Variants in DCC observed in about 807,000 individuals in gnomAD.
DCC encodes netrin receptor DCC.
In DCC, 58 loss-of-function variants were observed where a neutral mutation model predicts 172.5. The ratio of observed to expected loss-of-function variants is 0.34; its 90% CI spans 0.27 to 0.42. The LOEUF is 0.42. DCC is among the 10% of genes least tolerant of loss of function. The pLI, the probability that DCC is intolerant of heterozygous loss-of-function variation, is 1.00. For missense variants in DCC, 1,740 were observed against 1,791.0 expected (o/e 0.97, Z 0.51); for synonymous variants, 709 against 644.5 (o/e 1.10, Z -1.52).
In DCC at chr18:53,533,823, T is replaced by G. The variant is rs1443346734; in HGVS notation, c.*3170T>G. The G allele has an allele frequency of 6.6e-6, 1 of 152,198 alleles. No homozygotes were observed. The highest frequency in any genetic ancestry group is 1.5e-5 in the Non-Finnish European group (1 of 68,038). 9.4% of individuals were successfully genotyped at this position (152,198 alleles called of 1,614,324 possible). ...GTGGAGATTTATTAAGGATTCCTGT[T>G]GAGTATATTCTTAGTTTCCTCAAAA... is the stretch of plus-strand genomic sequence containing the variant. On this transcript the variant is annotated 3_prime_UTR_variant, in exon 29 of 29. Transcript: ENST00000442544.
At chr18:52,511,823 CAGAG>C (rs1226481992) in intron 1 of DCC, among the ~76,000 whole-genome samples, 1 of 152,050 alleles carries the variant, frequency 6.6e-6, no homozygotes, top group African/African-American at 2.4e-5. Context: ...GACGGGAACA[CAGAG>C]AGTTTCATTT....
chr18:52,401,583 G>T (rs1365765513), intron 1 of DCC, among the ~76,000 whole-genome samples: 5 of 151,934 alleles, frequency 3.3e-5, no homozygotes, highest in Non-Finnish European at 5.9e-5. Flanking sequence ...CAGTGAAAAT[G>T]GCCCTGTCCT....
intron 1 of DCC, among the ~76,000 whole-genome samples, chr18:52,581,469 G>A (rs1402686398): frequency 6.6e-6 from 1 of 152,140 alleles, no homozygotes; most frequent in African/African-American, 2.4e-5. Flanking sequence ...TGAAGCTCTA[G>A]ATGTAGTTGG....
intron 9 of DCC, among the ~76,000 whole-genome samples, chr18:53,202,387 G>T (rs2055552265): frequency 6.6e-6 from 1 of 152,054 alleles, no homozygotes; most frequent in Non-Finnish European, 1.5e-5. Flanking sequence ...TTATAAAAAG[G>T]AATCCATGTG....
chr18:53,164,005 C>T (rs945004372), intron 8 of DCC, among the ~76,000 whole-genome samples: 1 of 152,154 alleles, frequency 6.6e-6, no homozygotes, highest in African/African-American at 2.4e-5. Context: ...CATTATACAG[C>T]TAGTAAGTAG....
At chr18:52,855,300 C>A (rs6508169) in intron 2 of DCC, among the ~76,000 whole-genome samples, 131,106 of 152,240 alleles carry the variant, frequency 0.86, 57,776 homozygotes, top group Middle Eastern at 0.97. Flanking sequence ...GATCTGAATG[C>A]GGAGTAAGAC....
intron 2 of DCC, among the ~76,000 whole-genome samples, chr18:52,789,765 T>A (rs962175950): frequency 6.6e-6 from 1 of 152,146 alleles, no homozygotes; most frequent in African/African-American, 2.4e-5. Flanking sequence ...TTCCAGCCCC[T>A]AAGCTATCCT....
At chr18:53,215,120 G>A (rs1014327998) in intron 11 of DCC, among the ~76,000 whole-genome samples, 3 of 152,050 alleles carry the variant, frequency 2.0e-5, no homozygotes, top group East Asian at 3.9e-4. Context: ...AAGAAACCTG[G>A]CTGACCATTA....
At position 52,340,757 on chromosome 18, in the gene DCC, G is replaced by C; in HGVS notation, c.-31G>C. ...GTGTGTGAGTGCTGCCGCTGCCCGC[G>C]ACCCCTGGCCCCGAAGGTGTTGGCT... On this transcript the variant is annotated 5_prime_UTR_variant, in exon 1 of 29. Coordinates refer to ENST00000442544, the MANE Select transcript of DCC (RefSeq NM_005215.4). The C allele has an allele frequency of 1.3e-6, 2 of 1,566,682 alleles. No homozygotes were observed. Among genetic ancestry groups the C allele is most frequent in the South Asian group, 2.2e-5 (2 of 89,974 alleles).
At chr18:52,680,460 C>T (rs532761076) in intron 1 of DCC, among the ~76,000 whole-genome samples, 8 of 152,248 alleles carry the variant, frequency 5.3e-5, no homozygotes, top group African/African-American at 1.7e-4. Context: ...AATGGAATTC[C>T]TTTGTCGTAT....
intron 1 of DCC, among the ~76,000 whole-genome samples, chr18:52,388,368 C>G (rs112270244): frequency 2.9e-4 from 44 of 151,698 alleles, no homozygotes; most frequent in African/African-American, 1.0e-3. Flanking sequence ...ATAAACCAGG[C>G]TGTTGACACA....
At chr18:52,842,338 C>T (rs1405991957) in intron 2 of DCC, among the ~76,000 whole-genome samples, 4 of 152,152 alleles carry the variant, frequency 2.6e-5, no homozygotes, top group African/African-American at 9.7e-5. Context: ...ACACTGTCTT[C>T]AAGTTGGAGA....
intron 1 of DCC, among the ~76,000 whole-genome samples, chr18:52,486,109 C>T (rs757716801): frequency 1.1e-4 from 17 of 152,062 alleles, no homozygotes; most frequent in Non-Finnish European, 2.1e-4. Context: ...ATTCTCCCAC[C>T]GCAGCCTCCT....
chr18:53,516,778 C>T (rs2046338867), intron 27 of DCC, among the ~76,000 whole-genome samples: 1 of 144,384 alleles, frequency 6.9e-6, no homozygotes, highest in African/African-American at 2.8e-5. Context: ...GAATGGCAAT[C>T]ATTAAAAAGT....
chr18:52,469,203 G>A (rs970136301), intron 1 of DCC, among the ~76,000 whole-genome samples: 7 of 152,010 alleles, frequency 4.6e-5, no homozygotes, highest in South Asian at 2.1e-4. Flanking sequence ...GACTACAGGC[G>A]TCTGCCAGCA....
At chr18:53,335,878 A>T (rs2057585992) in intron 14 of DCC, among the ~76,000 whole-genome samples, 1 of 152,050 alleles carries the variant, frequency 6.6e-6, no homozygotes, top group Admixed American at 6.6e-5. Flanking sequence ...AAGAGAAGAG[A>T]ACTTGTGCAG....
At chr18:52,989,170 GT>G (rs1302980623) in intron 5 of DCC, among the ~76,000 whole-genome samples, 2 of 151,944 alleles carry the variant, frequency 1.3e-5, no homozygotes, top group Non-Finnish European at 2.9e-5. Context: ...TCAGATTATA[GT>G]TTTTTAATCT....
At chr18:52,919,626 T>C in intron 3 of DCC, among the ~76,000 whole-genome samples, 1 of 125,500 alleles carries the variant, frequency 8.0e-6, no homozygotes, top group African/African-American at 2.7e-5. Context: ...AATGGAAAAG[T>C]CGATGGTTCT....
chr18:53,395,961 A>T (rs1261155308), intron 17 of DCC, among the ~76,000 whole-genome samples: 1 of 152,152 alleles, frequency 6.6e-6, no homozygotes, highest in East Asian at 1.9e-4. Flanking sequence ...TTTTAAGAAG[A>T]CTTCTGATAA....
Sources: allele counts gnomAD v4.1 joint callset (sites outside exome capture counted in the v4.1 genomes callset), GRCh38; gene constraint gnomAD v4.1.1; transcripts MANE v1.5; gene names NCBI Gene and HGNC (gene_info 2026-07-23, HGNC 2026-07-21).